Variants in CAPN8 observed in about 807,000 individuals in gnomAD.
The protein encoded by CAPN8 is calpain 8.
Under a neutral mutation model 80.9 loss-of-function variants are expected in CAPN8, and 87 were observed. The ratio of observed to expected loss-of-function variants is 1.07; its 90% CI spans 0.90 to 1.28. CAPN8 has a LOEUF of 1.28. Ranked by LOEUF, CAPN8 falls within the 50% of genes most tolerant of loss-of-function variation. The pLI is 0.00. For synonymous variants in CAPN8, 299 were observed against 273.8 expected (o/e 1.09, Z -0.91); for missense variants, 757 against 702.0 (o/e 1.08, Z -0.89).
chr1:223,551,460 C>T (rs950153783), intron 14 of CAPN8, among the ~76,000 whole-genome samples: 10 of 152,172 alleles, frequency 6.6e-5, no homozygotes, highest in Non-Finnish European at 1.5e-4. Flanking sequence ...ATTTTAAAAG[C>T]AGGTGGCATC....
At chr1:223,612,747 T>C (rs745685861) in intron 10 of CAPN8, among the ~76,000 whole-genome samples, 8 of 152,176 alleles carry the variant, frequency 5.3e-5, no homozygotes, top group Non-Finnish European at 1.0e-4. Context: ...CTTACTTCTC[T>C]GGGATTTCTG....
chr1:223,652,572 G>A (rs1047464771), intron 2 of CAPN8, among the ~76,000 whole-genome samples: 1 of 151,994 alleles, frequency 6.6e-6, no homozygotes, highest in Non-Finnish European at 1.5e-5. Flanking sequence ...CACTGTTCAG[G>A]ACCAGCCCTG....
intron 11 of CAPN8, 105 bp from the exon 12 acceptor site, chr1:223,609,469 A>G (rs1656979145): frequency 2.5e-6 from 1 of 397,510 alleles, no homozygotes; most frequent in African/African-American, 2.1e-5. Flanking sequence ...GATTTTTACC[A>G]TTGCACCAAG....
intron 9 of CAPN8, 133 bp from the exon 10 acceptor site, chr1:223,616,278 C>A (rs1476750237): frequency 5.8e-6 from 6 of 1,027,044 alleles, no homozygotes; most frequent in African/African-American, 3.3e-5. Flanking sequence ...AGTAAGCAGG[C>A]CTCAGAAAGT....
chr1:223,550,513 G>A (rs530701931), intron 15 of CAPN8, among the ~76,000 whole-genome samples: 127 of 152,282 alleles, frequency 8.3e-4, no homozygotes, highest in African/African-American at 3.0e-3. Flanking sequence ...ATGGGGAACT[G>A]AGGACAGTCT....
intron 16 of CAPN8, among the ~76,000 whole-genome samples, chr1:223,546,886 GT>G (rs1185198781): frequency 0.12 from 792 of 6,358 alleles, 8 homozygotes; most frequent in African/African-American, 0.21. Flanking sequence ...TTGTTTTGTG[GT>G]TGTTGTTGTT....
intron 16 of CAPN8, 152 bp from the exon 17 acceptor site, chr1:223,545,451 G>A (rs909700536): frequency 7.3e-6 from 9 of 1,227,650 alleles, no homozygotes; most frequent in Non-Finnish European, 8.9e-6. Flanking sequence ...TGTGTAACAG[G>A]TTCAAATAAA....
intron 1 of CAPN8, 40 bp downstream of exon 1, chr1:223,665,370 C>T: frequency 6.6e-7 from 1 of 1,505,648 alleles, no homozygotes; most frequent in South Asian, 1.2e-5. Context: ...TAAGGCCCCT[C>T]CACCTTGTAT....
Position 223,609,254 on chromosome 1 carries a change from C to A in CAPN8, c.1434G>T (p.Arg478=). Residue 478 remains arginine, a synonymous_variant, in exon 12 of 21, where the codon CGG becomes CGT. Transcript: ENST00000366872. ...CCACCAGGTACTCCCCAGGGGGCAGCCGGGCCCGGCCAGAGACCTCCCGCA... is the reference window on the plus strand; with the variant it reads ...CCACCAGGTACTCCCCAGGGGGCAGACGGGCCCGGCCAGAGACCTCCCGCA... The part of the protein sequence containing the change: ...VNLREVSGRA[R]LPPGEYLVVP... 1 of 398,476 alleles carries A rather than the reference C, an allele frequency of 2.5e-6. No homozygotes were observed. The allele number at this position is 398,476 out of a possible 1,614,324, so 24.7% of individuals were successfully genotyped here.
chr1:223,620,315 C>A (rs1657346732), intron 7 of CAPN8, 49 bp from the exon 8 acceptor site: 2 of 1,501,890 alleles, frequency 1.3e-6, no homozygotes, highest in East Asian at 2.5e-5. Flanking sequence ...GTTCTACAAG[C>A]AGGGCAAGCT....
chr1:223,545,160 A>T, intron 17 of CAPN8, 71 bp downstream of exon 17: 2 of 1,550,324 alleles, frequency 1.3e-6, no homozygotes, highest in Non-Finnish European at 1.7e-6. Context: ...GTCAGAATAC[A>T]ATGGACCAGG....
In CAPN8 at chr1:223,624,321, C is replaced by T. The variant is rs146575933; in HGVS notation, c.814-1421G>A. Among the ~76,000 whole-genome samples the T allele has an allele frequency of 5.8e-3, 879 of 152,302 alleles. 9 individuals are homozygous for T. The highest frequency in any genetic ancestry group is 0.02 in the African/African-American group (820 of 41,560). On this transcript the variant is annotated intron_variant, in intron 6 of 20. Coordinates refer to ENST00000366872, the MANE Select transcript of CAPN8 (RefSeq NM_001143962.2). ...GCCTTGGCCATTGGGAAGCCCAAAG[C>T]AAAATTAATTTCTCAATTATAGCAC...
chr1:223,547,455 G>T (rs753427690), intron 16 of CAPN8, among the ~76,000 whole-genome samples: 1 of 152,198 alleles, frequency 6.6e-6, no homozygotes, highest in Non-Finnish European at 1.5e-5. Flanking sequence ...AGGGATGGTC[G>T]TGGAGGTTGG....
chr1:223,638,294 TG>T (rs772229185), intron 2 of CAPN8, among the ~76,000 whole-genome samples: 2 of 152,128 alleles, frequency 1.3e-5, no homozygotes, highest in African/African-American at 2.4e-5. Context: ...TGAGCATCTG[TG>T]GATTTTGGTA....
intron 1 of CAPN8, among the ~76,000 whole-genome samples, chr1:223,664,476 A>G (rs1396974624): frequency 1.3e-5 from 2 of 152,200 alleles, no homozygotes; most frequent in East Asian, 1.9e-4. Context: ...TAATTCTCAT[A>G]CCAACCCTGA....
At chr1:223,652,282 C>A (rs1193802312) in intron 2 of CAPN8, among the ~76,000 whole-genome samples, 1 of 151,972 alleles carries the variant, frequency 6.6e-6, no homozygotes, top group African/African-American at 2.4e-5. Context: ...AAGGAGGTTG[C>A]AGTGAGCCGA....
At chr1:223,656,456 A>G (rs747651220) in intron 1 of CAPN8, among the ~76,000 whole-genome samples, 7 of 152,020 alleles carry the variant, frequency 4.6e-5, no homozygotes, top group Non-Finnish European at 1.0e-4. Flanking sequence ...GCGAAACTCC[A>G]TCTCAAAAAC....
At chr1:223,543,207 TC>T (rs1286201767) in intron 19 of CAPN8, 41 bp from the exon 20 acceptor site, 2 of 1,549,510 alleles carry the variant, frequency 1.3e-6, no homozygotes, top group Non-Finnish European at 1.7e-6. Flanking sequence ...ATAAGGCTGT[TC>T]CTGGACTTTG....
chr1:223,613,967 A>G (rs1038378450), intron 10 of CAPN8, among the ~76,000 whole-genome samples: 2 of 152,200 alleles, frequency 1.3e-5, no homozygotes, highest in Non-Finnish European at 2.9e-5. Flanking sequence ...GATCACACAC[A>G]CTGGAATATT....
Sources: allele counts gnomAD v4.1 joint callset (sites outside exome capture counted in the v4.1 genomes callset), GRCh38; gene constraint gnomAD v4.1.1; transcripts MANE v1.5; gene names NCBI Gene and HGNC (gene_info 2026-07-23, HGNC 2026-07-21).